Variants in CTNNA3 observed in about 807,000 individuals in gnomAD.
The protein encoded by CTNNA3 is catenin alpha 3, also known as catenin alpha-3.
A neutral mutation model predicts 95.7 loss-of-function variants in CTNNA3; 76 were observed. The ratio of observed to expected loss-of-function variants is 0.79; its 90% CI spans 0.66 to 0.96. CTNNA3 has a LOEUF of 0.96. CTNNA3 is among the 40% of genes least tolerant of loss of function. CTNNA3 has a pLI of 0.00. For missense variants in CTNNA3, 1,191 were observed against 1,089.8 expected (o/e 1.09, Z -1.31); for synonymous variants, 431 against 374.4 (o/e 1.15, Z -1.74).
chr10:67,438,115 G>A (rs1846368859), intron 5 of CTNNA3, among the ~76,000 whole-genome samples: 1 of 152,116 alleles, frequency 6.6e-6, no homozygotes, highest in African/African-American at 2.4e-5. Flanking sequence ...GAAAGGGTCA[G>A]GGAGCACTAC....
chr10:67,501,520 G>A (rs1432538325), intron 5 of CTNNA3, among the ~76,000 whole-genome samples: 1 of 152,156 alleles, frequency 6.6e-6, no homozygotes, highest in African/African-American at 2.4e-5. Flanking sequence ...GTCTTGCTAG[G>A]TTGGGGAAGT....
At chr10:66,377,365 GA>G (rs1275413803) in intron 12 of CTNNA3, among the ~76,000 whole-genome samples, 6 of 151,878 alleles carry the variant, frequency 4.0e-5, no homozygotes, top group Non-Finnish European at 7.4e-5. Flanking sequence ...TTTCTCTTCT[GA>G]ATGTGATAAT....
At chr10:66,319,577 C>T (rs1187942966) in intron 12 of CTNNA3, among the ~76,000 whole-genome samples, 1 of 152,096 alleles carries the variant, frequency 6.6e-6, no homozygotes, top group Non-Finnish European at 1.5e-5. Context: ...ATTGTTTAAG[C>T]AGCTATATCT....
intron 9 of CTNNA3, among the ~76,000 whole-genome samples, chr10:66,675,279 T>G (rs772443054): frequency 2.6e-5 from 4 of 151,968 alleles, no homozygotes; most frequent in Non-Finnish European, 4.4e-5. Context: ...AGAGTATGCT[T>G]GCTTGATGTT....
intron 5 of CTNNA3, among the ~76,000 whole-genome samples, chr10:67,310,887 C>T (rs1039098335): frequency 6.6e-6 from 1 of 152,074 alleles, no homozygotes; most frequent in Admixed American, 6.5e-5. Flanking sequence ...GGGGACATAG[C>T]CAAAACATAT....
At chr10:67,755,362 T>A (rs116212654) in intron 1 of CTNNA3, among the ~76,000 whole-genome samples, 1 of 151,602 alleles carries the variant, frequency 6.6e-6, no homozygotes, top group Non-Finnish European at 1.5e-5. Context: ...CTGGCAAGGA[T>A]GTAAAGAAAG....
chr10:66,590,762 GA>G (rs1212990775), intron 10 of CTNNA3, among the ~76,000 whole-genome samples: 2 of 151,724 alleles, frequency 1.3e-5, no homozygotes, highest in South Asian at 4.1e-4. Flanking sequence ...TAAAGAGGGA[GA>G]AAAAACAGTA....
At chr10:67,212,684 C>T (rs531382204) in intron 6 of CTNNA3, among the ~76,000 whole-genome samples, 1 of 151,820 alleles carries the variant, frequency 6.6e-6, no homozygotes, top group African/African-American at 2.4e-5. Flanking sequence ...CAAATGTTTT[C>T]TGTATCTACT....
intron 7 of CTNNA3, among the ~76,000 whole-genome samples, chr10:67,079,741 A>T (rs901314393): frequency 6.6e-6 from 1 of 151,928 alleles, no homozygotes; most frequent in East Asian, 1.9e-4. Context: ...CCAGCTGCTC[A>T]GGAGGCTGAG....
intron 10 of CTNNA3, among the ~76,000 whole-genome samples, chr10:66,564,076 G>A (rs572198693): frequency 6.6e-6 from 1 of 152,088 alleles, no homozygotes; most frequent in African/African-American, 2.4e-5. Context: ...CTTAACCTTG[G>A]CAAAACAAAC....
At chr10:67,151,709 C>A (rs1398695840) in intron 7 of CTNNA3, among the ~76,000 whole-genome samples, 2 of 152,290 alleles carry the variant, frequency 1.3e-5, no homozygotes, top group African/African-American at 4.8e-5. Context: ...GTTCAGTTTA[C>A]GGAGTATCAC....
At chr10:66,866,552 A>C (rs1036481258) in intron 7 of CTNNA3, among the ~76,000 whole-genome samples, 2 of 152,174 alleles carry the variant, frequency 1.3e-5, no homozygotes, top group South Asian at 4.1e-4. Flanking sequence ...CCTTATTGCA[A>C]AATTGAGACT....
At chr10:66,249,811 G>A (rs1249810811) in intron 13 of CTNNA3, among the ~76,000 whole-genome samples, 14 of 152,220 alleles carry the variant, frequency 9.2e-5, no homozygotes, top group Admixed American at 7.2e-4. Flanking sequence ...GGGACAGAGC[G>A]AGACTCCATC....
chr10:66,926,992 A>C, intron 7 of CTNNA3: 1 of 1,614,174 alleles, frequency 6.2e-7, no homozygotes, highest in Non-Finnish European at 8.5e-7. Flanking sequence ...CTTACTGACA[A>C]TGCTTTCTTC....
intron 2 of CTNNA3, among the ~76,000 whole-genome samples, chr10:67,634,111 A>C (rs1199321138): frequency 6.6e-6 from 1 of 152,228 alleles, no homozygotes; most frequent in Non-Finnish European, 1.5e-5. Flanking sequence ...AGGGAAGCCC[A>C]TCAGACTAAC....
chr10:66,721,497 A>G (rs912568295), intron 9 of CTNNA3, among the ~76,000 whole-genome samples: 2 of 152,230 alleles, frequency 1.3e-5, no homozygotes, highest in African/African-American at 4.8e-5. Flanking sequence ...AAATAATTCT[A>G]AAATTTGGAA....
At chr10:67,190,033 G>T (rs1422043162) in intron 6 of CTNNA3, among the ~76,000 whole-genome samples, 1 of 152,124 alleles carries the variant, frequency 6.6e-6, no homozygotes, top group Non-Finnish European at 1.5e-5. Context: ...GTTTACGTAG[G>T]CATTGCTGAT....
intron 11 of CTNNA3, among the ~76,000 whole-genome samples, chr10:66,513,172 A>G (rs1840722141): frequency 6.6e-6 from 1 of 152,108 alleles, no homozygotes; most frequent in African/African-American, 2.4e-5. Context: ...GATATCCCAT[A>G]TGTCATGTAA....
intron 7 of CTNNA3, among the ~76,000 whole-genome samples, chr10:67,108,501 G>C (rs1238149495): frequency 6.6e-6 from 1 of 151,876 alleles, no homozygotes; most frequent in African/African-American, 2.4e-5. Context: ...TTTTATTATG[G>C]TATTCCAGTG....
Sources: gnomAD v4.1 joint callset for allele counts (sites outside exome capture counted in the v4.1 genomes callset) on GRCh38, gnomAD v4.1.1 for gene constraint, MANE v1.5 for transcripts, NCBI Gene and HGNC (gene_info 2026-07-23, HGNC 2026-07-21) for gene names.